The following YWHAH variants were observed in gnomAD, a reference collection of about 807,000 sequenced individuals.
YWHAH encodes the protein 14-3-3 protein eta.
YWHAH carries 6 observed loss-of-function variants against 22.9 expected under a neutral mutation model. The observed-to-expected ratio is 0.26, with a 90% CI of 0.14 to 0.52. The LOEUF (loss-of-function observed/expected upper bound fraction) is 0.52. Among genes scored for constraint, YWHAH ranks in the 20% least tolerant of loss-of-function variants. The pLI, the probability that YWHAH is intolerant of heterozygous loss-of-function variation, is 0.97. For missense variants in YWHAH, 173 were observed against 308.6 expected (o/e 0.56, Z 3.29); for synonymous variants, 135 against 124.5 (o/e 1.08, Z -0.56).
intron 1 of YWHAH, chr22:31,945,545 T>A: frequency 7.7e-7 from 1 of 1,304,074 alleles, no homozygotes; most frequent in South Asian, 1.2e-5. Context: ...CCCTCATAAA[T>A]CGATTCTGCA....
At position 31,957,111 on chromosome 22, in the gene YWHAH, A is replaced by G. The variant is rs1197651229; in HGVS notation, c.*319A>G. 1 of 253,346 alleles carries G rather than the reference A, an allele frequency of 3.9e-6. No homozygotes were observed. The highest frequency in any genetic ancestry group is 8.0e-5 in the East Asian group (1 of 12,542). The allele number at this position is 253,346 out of a possible 1,614,324, so 15.7% of individuals were successfully genotyped here. ...GGGGAAGATTAGAAAGAATTAGCCA[A>G]CCAGGCTACAGTTGATATTTAAAAG... On this transcript the variant is annotated 3_prime_UTR_variant, in exon 2 of 2. Transcript: ENST00000248975.
chr22:31,951,836 C>T (rs1278780387), intron 1 of YWHAH, among the ~76,000 whole-genome samples: 1 of 152,080 alleles, frequency 6.6e-6, no homozygotes, highest in Non-Finnish European at 1.5e-5. Flanking sequence ...GAAGTCCAAT[C>T]CTTAAAAGAA....
At chr22:31,945,442 G>A in intron 1 of YWHAH, 1 of 1,303,988 alleles carries the variant, frequency 7.7e-7, no homozygotes, top group Non-Finnish European at 1.0e-6. Context: ...CCACTCCACA[G>A]CCCCAGGTTT....
At chr22:31,946,685 A>C (rs1177478843) in intron 1 of YWHAH, among the ~76,000 whole-genome samples, 1 of 152,206 alleles carries the variant, frequency 6.6e-6, no homozygotes, top group East Asian at 1.9e-4. Flanking sequence ...TGGGGGAAAA[A>C]GGCAAGAATG....
At chr22:31,949,194 C>T (rs1038244534) in intron 1 of YWHAH, among the ~76,000 whole-genome samples, 1 of 128,250 alleles carries the variant, frequency 7.8e-6, no homozygotes, top group African/African-American at 3.2e-5. Flanking sequence ...GGCTGGAGTA[C>T]AATGGAGCAA....
chr22:31,949,341 T>C (rs2093839714), intron 1 of YWHAH, among the ~76,000 whole-genome samples: 1 of 151,774 alleles, frequency 6.6e-6, no homozygotes, highest in Non-Finnish European at 1.5e-5. Flanking sequence ...ATGGGGTTTC[T>C]CCATGTTGGT....
chr22:31,956,360 G>A lies in YWHAH; in HGVS notation c.309G>A (p.Leu103=), dbSNP rs764915437. The change falls in exon 2 of 2, where the codon CTG becomes CTA. Residue 103 remains leucine, a synonymous_variant. Coordinates refer to ENST00000248975, the MANE Select transcript of YWHAH (RefSeq NM_003405.4). This position sits in a 1 kb window ranked among gnomAD's most constrained non-coding sequence, Gnocchi z 5.1. The part of the protein sequence containing the change: ...LETVCNDVLS[L]LDKFLIKNCN... ...CAGTTTGCAATGATGTCCTGTCTCT[G>A]CTTGACAAGTTCCTGATCAAGAACT... 1.2e-6 allele frequency: 2 copies of A among 1,614,154 alleles called. No homozygotes were observed. Among genetic ancestry groups the A allele is most frequent in the South Asian group, 1.1e-5 (1 of 91,070 alleles).
chr22:31,945,720 G>A (rs1353808277), intron 1 of YWHAH: 1 of 1,220,122 alleles, frequency 8.2e-7, no homozygotes, highest in East Asian at 5.7e-5. Context: ...GTCACACAGT[G>A]GTAGAACAAC....
chr22:31,950,323 C>G, intron 1 of YWHAH: 2 of 779,354 alleles, frequency 2.6e-6, no homozygotes, highest in East Asian at 2.4e-5. Context: ...TGGTAAAATT[C>G]CTCCTAGTGT....
At chr22:31,953,570 TGTAA>T (rs1370362610) in intron 1 of YWHAH, among the ~76,000 whole-genome samples, 1 of 152,200 alleles carries the variant, frequency 6.6e-6, no homozygotes, top group African/African-American at 2.4e-5. Flanking sequence ...AGAAAATGTA[TGTAA>T]GTGTTTAAAG....
rs199859765 is a variant in YWHAH at position 31,951,226 on chromosome 22, GACACAC to G, written c.88-4907_88-4902del. Among the ~76,000 whole-genome samples the G allele has an allele frequency of 1.2e-3, 183 of 152,134 alleles. 1 individual carries two copies. In the East Asian group the frequency reaches 0.032, roughly 27 times the overall value. On this transcript the variant is annotated intron_variant, in intron 1 of 1. Transcript: ENST00000248975. ...CCCTCAAACTGACTTTTCTCACACA[GACACAC>G]ACACATACACGTACACACACACTTC...
intron 1 of YWHAH, among the ~76,000 whole-genome samples, chr22:31,949,758 G>A (rs2093840445): frequency 6.6e-6 from 1 of 152,206 alleles, no homozygotes; most frequent in Non-Finnish European, 1.5e-5. Flanking sequence ...CAGCTAGTAA[G>A]TTGTGAATTC....
intron 1 of YWHAH, chr22:31,945,757 A>G (rs1013108707): frequency 1.8e-6 from 2 of 1,127,540 alleles, no homozygotes; most frequent in Non-Finnish European, 2.3e-6. Context: ...TGTTCAGTGT[A>G]CAACCTCCTG....
In YWHAH at chr22:31,944,602, C is replaced by G; in HGVS notation, c.-132C>G. 5.2e-6 allele frequency: 3 copies of G among 579,282 alleles called. No homozygotes were observed. Among genetic ancestry groups the G allele is most frequent in the Non-Finnish European group, 7.0e-6 (3 of 428,444 alleles). The allele number at this position is 579,282 out of a possible 1,614,324, so 35.9% of individuals were successfully genotyped here. A position where few individuals can be genotyped will look rare whatever the true frequency, so the allele number is the denominator to read the frequency against. ...GCTGCCTGCAGCCTGCAGCCTGCAGCCTCCGGCCGGCCGGCGAGCCAGTGC... is the reference window on the plus strand; with the variant it reads ...GCTGCCTGCAGCCTGCAGCCTGCAGGCTCCGGCCGGCCGGCGAGCCAGTGC... On this transcript the variant is annotated 5_prime_UTR_variant, in exon 1 of 2. Coordinates refer to ENST00000248975, the MANE Select transcript of YWHAH (RefSeq NM_003405.4).
intron 1 of YWHAH, chr22:31,947,442 T>C (rs1245750540): frequency 2.1e-6 from 1 of 471,498 alleles, no homozygotes; most frequent in Non-Finnish European, 4.4e-6. Context: ...CCTGTAATGA[T>C]TGATGTTCCT....
At chr22:31,944,858 GGC>G in intron 1 of YWHAH, 38 bp downstream of exon 1, 1 of 1,315,976 alleles carries the variant, frequency 7.6e-7, no homozygotes, top group Non-Finnish European at 9.8e-7. Context: ...GGCCGGGGGG[GGC>G]CTGGCGTTGG....
At position 31,951,810 on chromosome 22, in the gene YWHAH, A is replaced by G. The variant is rs139493453; in HGVS notation, c.88-4329A>G. On this transcript the variant is annotated intron_variant, in intron 1 of 1. Transcript: ENST00000248975. Reference sequence around the variant, plus strand: ...AAGGCTGTTTGGTCAGGACGTGAGTAAAACTGGCTGACAGGGAAGTCCAAT... The same window carrying G: ...AAGGCTGTTTGGTCAGGACGTGAGTGAAACTGGCTGACAGGGAAGTCCAAT... Among the ~76,000 whole-genome samples, 340 of 152,292 alleles carry G rather than the reference A, an allele frequency of 2.2e-3. 3 individuals are homozygous for G. The Middle Eastern group carries it at 0.027, about 12-fold the overall frequency.
intron 1 of YWHAH, 102 bp downstream of exon 1, chr22:31,944,922 C>T (rs1036023588): frequency 5.9e-5 from 67 of 1,138,236 alleles, no homozygotes; most frequent in South Asian, 8.0e-5. Flanking sequence ...ATGGGCGACC[C>T]GGCGACCCGG....
At position 31,956,821 on chromosome 22, in the gene YWHAH, T is replaced by G; in HGVS notation, c.*29T>G. 1.3e-6 allele frequency: 2 copies of G among 1,538,286 alleles called. No homozygotes were observed. The highest frequency in any genetic ancestry group is 1.8e-6 in the Non-Finnish European group (2 of 1,141,956). On this transcript the variant is annotated 3_prime_UTR_variant, in exon 2 of 2. Coordinates refer to ENST00000248975, the MANE Select transcript of YWHAH (RefSeq NM_003405.4). This position sits in a 1 kb window ranked among gnomAD's most constrained non-coding sequence, Gnocchi z 5.1. ...TCCTTCAGGTCCCCTGGCCCTTCCT[T>G]CACCCACCACCCCCATCATCACCGA... is the stretch of plus-strand genomic sequence containing the variant.
Sources: gnomAD v4.1 joint callset for allele counts (sites outside exome capture counted in the v4.1 genomes callset) on GRCh38, gnomAD v4.1.1 for gene constraint, Gnocchi (gnomAD v3.1) non-coding constraint, MANE v1.5 for transcripts, NCBI Gene and HGNC (gene_info 2026-07-23, HGNC 2026-07-21) for gene names.